SNTG2: variants seen among roughly 807,000 people sequenced by gnomAD.
The protein encoded by SNTG2 is syntrophin gamma 2.
Under a neutral mutation model 70.9 loss-of-function variants are expected in SNTG2, and 74 were observed. The ratio of observed to expected loss-of-function variants is 1.04; its 90% CI spans 0.86 to 1.27. The LOEUF is 1.27. Among genes scored for constraint, SNTG2 ranks in the 50% most tolerant of loss-of-function variants. SNTG2 has a pLI of 0.00. For missense variants in SNTG2, 717 were observed against 690.7 expected (o/e 1.04, Z -0.43); for synonymous variants, 278 against 273.8 (o/e 1.02, Z -0.15).
At chr2:1,223,398 G>A (rs1231851126) in intron 9 of SNTG2, among the ~76,000 whole-genome samples, 4 of 151,832 alleles carry the variant, frequency 2.6e-5, no homozygotes, top group African/African-American at 4.8e-5. Flanking sequence ...GGAAAGCAGC[G>A]CAGTGATGGA....
rs1572568264 is a variant in SNTG2, at chr2:1,149,208, T to TGA, written c.411+11408_411+11409dup. ...CTTGTCGGACGTGTGTGTGTGTGTG[T>TGA]GAGAGAGAGACACACACACACGGGG... On this transcript the variant is annotated intron_variant, in intron 6 of 16. Transcript: ENST00000308624. 2.0e-5 allele frequency among the ~76,000 whole-genome samples: 3 copies of TGA among 149,598 alleles called. No individual in the cohort carries two copies. The South Asian group carries it at 6.3e-4, about 31-fold the overall frequency.
intron 11 of SNTG2, among the ~76,000 whole-genome samples, chr2:1,243,542 A>G (rs28620771): frequency 0.024 from 3,724 of 152,288 alleles, 154 homozygotes; most frequent in African/African-American, 0.084. Flanking sequence ...AAGAATGCAT[A>G]CTTTCAACTT....
intron 1 of SNTG2, among the ~76,000 whole-genome samples, chr2:1,036,756 T>G (rs1365301781): frequency 6.6e-6 from 1 of 152,238 alleles, no homozygotes; most frequent in African/African-American, 2.4e-5. Context: ...GTTGTTAAAA[T>G]ACGCACTGAT....
intron 4 of SNTG2, among the ~76,000 whole-genome samples, chr2:1,120,259 T>A (rs996762647): frequency 6.6e-6 from 1 of 152,152 alleles, no homozygotes; most frequent in Non-Finnish European, 1.5e-5. Flanking sequence ...TGGTATTGGT[T>A]ATTACTTATC....
intron 1 of SNTG2, among the ~76,000 whole-genome samples, chr2:987,142 G>A (rs1661351678): frequency 6.6e-6 from 1 of 152,226 alleles, no homozygotes; most frequent in Admixed American, 6.5e-5. Context: ...GGCAGGAGGT[G>A]ATAAAAGGTG....
chr2:1,224,215 T>C (rs1675600249), intron 9 of SNTG2, among the ~76,000 whole-genome samples: 2 of 152,300 alleles, frequency 1.3e-5, no homozygotes, highest in African/African-American at 2.4e-5. Context: ...CACTGAACGT[T>C]TGGGGAGCCA....
chr2:1,144,446 A>G (rs950140895), intron 6 of SNTG2, among the ~76,000 whole-genome samples: 1 of 152,238 alleles, frequency 6.6e-6, no homozygotes, highest in Non-Finnish European at 1.5e-5. Context: ...TCACCAAGAC[A>G]GACCACATTC....
chr2:1,185,924 A>ACAT (rs1553349800), intron 8 of SNTG2, among the ~76,000 whole-genome samples: 1 of 152,202 alleles, frequency 6.6e-6, no homozygotes, highest in Non-Finnish European at 1.5e-5. Flanking sequence ...CTTTTCTACC[A>ACAT]CATGGATAGG....
chr2:1,252,670 G>A (rs1010938192), intron 12 of SNTG2, among the ~76,000 whole-genome samples: 2 of 152,168 alleles, frequency 1.3e-5, no homozygotes, highest in East Asian at 1.9e-4. Context: ...AATGCTTGGC[G>A]GTGGGCTGAG....
intron 1 of SNTG2, among the ~76,000 whole-genome samples, chr2:970,817 A>G (rs1258644324): frequency 2.0e-5 from 3 of 152,048 alleles, no homozygotes; most frequent in African/African-American, 7.2e-5. Context: ...TGGTATTTCT[A>G]GTTCTAGATC....
intron 8 of SNTG2, among the ~76,000 whole-genome samples, chr2:1,193,421 C>T (rs2147945851): frequency 6.6e-6 from 1 of 152,270 alleles, no homozygotes; most frequent in Non-Finnish European, 1.5e-5. Flanking sequence ...ACCCGAGGAC[C>T]TGCCTGCTTT....
intron 1 of SNTG2, among the ~76,000 whole-genome samples, chr2:953,633 A>G (rs7575866): frequency 0.039 from 6,006 of 152,310 alleles, 390 homozygotes; most frequent in African/African-American, 0.14. Flanking sequence ...TAGAATTTCT[A>G]TTGACGTCTA....
chr2:1,098,832 C>T (rs543692895), intron 4 of SNTG2, among the ~76,000 whole-genome samples: 62 of 152,304 alleles, frequency 4.1e-4, no homozygotes, highest in African/African-American at 1.4e-3. Flanking sequence ...TAGCTGACCG[C>T]GCTCAGGTGG....
intron 9 of SNTG2, among the ~76,000 whole-genome samples, chr2:1,229,711 G>T (rs1279364935): frequency 6.6e-6 from 1 of 152,358 alleles, no homozygotes; most frequent in East Asian, 1.9e-4. Flanking sequence ...GGAGGCTCAG[G>T]CGTGGCGGGC....
intron 2 of SNTG2, among the ~76,000 whole-genome samples, chr2:1,085,432 C>T (rs1027236361): frequency 2.0e-5 from 3 of 152,178 alleles, no homozygotes; most frequent in Admixed American, 6.5e-5. Context: ...TAGACTTATG[C>T]GTACAGTTTT....
At chr2:1,040,216 T>C (rs1661357735) in intron 1 of SNTG2, among the ~76,000 whole-genome samples, 1 of 152,032 alleles carries the variant, frequency 6.6e-6, no homozygotes, top group Non-Finnish European at 1.5e-5. Flanking sequence ...CAGGATAAAT[T>C]CCTGCACCCC....
At chr2:990,640 A>G (rs116446045) in intron 1 of SNTG2, among the ~76,000 whole-genome samples, 92 of 152,348 alleles carry the variant, frequency 6.0e-4, no homozygotes, top group African/African-American at 2.0e-3. Context: ...GAGGACCCAG[A>G]TATTCAGTCC....
chr2:1,178,640 C>G (rs1477776622), intron 8 of SNTG2, among the ~76,000 whole-genome samples: 1 of 152,060 alleles, frequency 6.6e-6, no homozygotes, highest in Non-Finnish European at 1.5e-5. Context: ...GGCTTGCATC[C>G]CAGGGATGAA....
chr2:1,295,745 G>A (rs796547963), intron 14 of SNTG2, among the ~76,000 whole-genome samples: 43 of 151,292 alleles, frequency 2.8e-4, no homozygotes, highest in African/African-American at 9.5e-4. Flanking sequence ...CACCATCGAT[G>A]GCTTCCACTG....
Sources: allele counts gnomAD v4.1 joint callset (sites outside exome capture counted in the v4.1 genomes callset), GRCh38; gene constraint gnomAD v4.1.1; transcripts MANE v1.5; gene names NCBI Gene and HGNC (gene_info 2026-07-23, HGNC 2026-07-21).